Variants in UBAC2 observed in about 807,000 individuals in gnomAD.
UBAC2 encodes ubiquitin-associated domain-containing protein 2.
A neutral mutation model predicts 44.0 loss-of-function variants in UBAC2; 26 were observed. The observed-to-expected ratio is 0.59, with a 90% CI of 0.43 to 0.82. The LOEUF is 0.82. Ranked by LOEUF, UBAC2 falls within the 40% of genes least tolerant of loss-of-function variation. The probability of loss-of-function intolerance (pLI) is 0.00; values close to 1 mark genes in which losing one functional copy is unlikely to be tolerated. For synonymous variants in UBAC2, 155 were observed against 154.3 expected, an observed-to-expected ratio of 1.00 and a Z score of -0.04; for missense variants, 329 against 419.4, an observed-to-expected ratio of 0.78 and a Z score of 1.88.
At chr13:99,333,095 C>CT (rs1566507160) in intron 6 of UBAC2, among the ~76,000 whole-genome samples, 1 of 138,176 alleles carries the variant, frequency 7.2e-6, no homozygotes, top group Non-Finnish European at 1.7e-5. Context: ...AACCCCGTCT[C>CT]TGGGGGGGGA....
intron 4 of UBAC2, among the ~76,000 whole-genome samples, chr13:99,251,042 C>G (rs530014222): frequency 4.6e-5 from 7 of 152,272 alleles, no homozygotes; most frequent in African/African-American, 1.4e-4. Context: ...CATGAGCCAC[C>G]AAGCCTGGCC....
chr13:99,322,949 A>G (rs574961894), intron 6 of UBAC2, among the ~76,000 whole-genome samples: 3 of 152,328 alleles, frequency 2.0e-5, no homozygotes, highest in African/African-American at 7.2e-5. Context: ...GACAAACAAA[A>G]AAACCCAAAC....
intron 4 of UBAC2, 118 bp from the exon 5 acceptor site, chr13:99,313,979 T>C: frequency 1.0e-6 from 1 of 978,942 alleles, no homozygotes. Flanking sequence ...AATATGTATA[T>C]CTAAGACCAT....
intron 8 of UBAC2, among the ~76,000 whole-genome samples, chr13:99,382,285 AT>A (rs2045561228): frequency 6.6e-6 from 1 of 152,192 alleles, no homozygotes; most frequent in South Asian, 2.1e-4. Flanking sequence ...TTTAACAGAG[AT>A]ATGTAGAGTC....
chr13:99,244,010 A>G, intron 3 of UBAC2, 59 bp downstream of exon 3: 1 of 1,336,716 alleles, frequency 7.5e-7, no homozygotes, highest in Non-Finnish European at 1.0e-6. Context: ...TTTTGTTTAA[A>G]TGGATTTTAT....
chr13:99,317,825 T>C (rs1033490561), intron 5 of UBAC2, among the ~76,000 whole-genome samples, 197 bp from the exon 6 acceptor site: 1 of 152,154 alleles, frequency 6.6e-6, no homozygotes, highest in Non-Finnish European at 1.5e-5. Context: ...GTCTGATGTC[T>C]GAATAAAAAA....
At position 99,335,149 on chromosome 13, in the gene UBAC2, C is replaced by G. The variant is rs576299905; in HGVS notation, c.562-5171C>G. On this transcript the variant is annotated intron_variant, in intron 6 of 8. Coordinates refer to ENST00000403766, the MANE Select transcript of UBAC2 (RefSeq NM_001144072.2). ...TAGCTAATGGGAGCAATGAACAAAT[C>G]AACAATCACAGTTGAATACTTTGAG... Among the ~76,000 whole-genome samples, 7 of 152,282 alleles carry G rather than the reference C, an allele frequency of 4.6e-5. No homozygotes were observed. In the East Asian group the frequency reaches 9.6e-4, roughly 21 times the overall value.
intron 6 of UBAC2, among the ~76,000 whole-genome samples, chr13:99,319,527 C>A (rs1362550757): frequency 6.6e-6 from 1 of 152,174 alleles, no homozygotes; most frequent in Non-Finnish European, 1.5e-5. Flanking sequence ...TTTCTGTGTT[C>A]ATTCTTTGCT....
chr13:99,368,984 T>C (rs2045370958), intron 8 of UBAC2, among the ~76,000 whole-genome samples: 1 of 151,916 alleles, frequency 6.6e-6, no homozygotes, highest in African/African-American at 2.4e-5. Context: ...AGCTGCGGGA[T>C]CCCACTGGCC....
intron 4 of UBAC2, among the ~76,000 whole-genome samples, chr13:99,248,742 G>C (rs565960846): frequency 1.3e-5 from 2 of 152,152 alleles, no homozygotes; most frequent in South Asian, 4.1e-4. Context: ...GCCCAGGCTG[G>C]TCTCAAACTC....
intron 4 of UBAC2, among the ~76,000 whole-genome samples, chr13:99,264,801 G>C (rs1272525097): frequency 6.6e-6 from 1 of 152,184 alleles, no homozygotes; most frequent in Non-Finnish European, 1.5e-5. Flanking sequence ...CAGGATAGGA[G>C]CTTGGAGGCT....
chr13:99,255,688 A>G (rs2043540348), intron 4 of UBAC2: 1 of 1,614,154 alleles, frequency 6.2e-7, no homozygotes, highest in African/African-American at 1.3e-5. Flanking sequence ...TGCCACATTC[A>G]TCATATAGAT....
chr13:99,338,294 G>A (rs1029475854), intron 6 of UBAC2, among the ~76,000 whole-genome samples: 2 of 151,996 alleles, frequency 1.3e-5, no homozygotes, highest in African/African-American at 4.8e-5. Flanking sequence ...CTGACCTCTT[G>A]TGATCCGCCC....
In UBAC2 at chr13:99,238,198, C is replaced by T. The variant is rs367739224; in HGVS notation, c.32-229C>T. ...TGTAAACTTGGTCTCATTTAAGAGC[C>T]AACTGGCAATGAAGCCCTGCTAGGG... On this transcript the variant is annotated intron_variant, in intron 1 of 8. Coordinates refer to ENST00000403766, the MANE Select transcript of UBAC2 (RefSeq NM_001144072.2). Among the ~76,000 whole-genome samples the T allele has an allele frequency of 1.4e-3, 212 of 152,254 alleles. 2 individuals carry two copies. Among genetic ancestry groups the T allele is most frequent in the African/African-American group, 5.0e-3 (206 of 41,534 alleles).
At chr13:99,235,226 G>T (rs1266923907) in intron 1 of UBAC2, among the ~76,000 whole-genome samples, 2 of 152,116 alleles carry the variant, frequency 1.3e-5, no homozygotes, top group Admixed American at 1.3e-4. Context: ...ATTAACCAAA[G>T]ATGTGCAATA....
chr13:99,280,055 T>C (rs1043518531), intron 4 of UBAC2, among the ~76,000 whole-genome samples: 2 of 152,344 alleles, frequency 1.3e-5, no homozygotes, highest in East Asian at 3.9e-4. Context: ...TCCTTTGGTT[T>C]GGACTATTGC....
At chr13:99,201,111 C>T in intron 1 of UBAC2, 172 bp downstream of exon 1, 3 of 1,351,606 alleles carry the variant, frequency 2.2e-6, no homozygotes, top group Middle Eastern at 2.0e-4. Context: ...GCGGAAACCG[C>T]CCCCATTTCG....
At chr13:99,356,094 A>C (rs369741053) in intron 7 of UBAC2, 2 of 511,120 alleles carry the variant, frequency 3.9e-6, no homozygotes, top group Admixed American at 3.9e-5. Context: ...AAATGTCATT[A>C]AAGTAAACAA....
At chr13:99,308,310 T>G (rs565282856) in intron 4 of UBAC2, among the ~76,000 whole-genome samples, 1 of 152,308 alleles carries the variant, frequency 6.6e-6, no homozygotes, top group South Asian at 2.1e-4. Context: ...GGAGAACTGA[T>G]TAAATAAGCT....
Sources: allele counts gnomAD v4.1 joint callset (sites outside exome capture counted in the v4.1 genomes callset), GRCh38; gene constraint gnomAD v4.1.1; transcripts MANE v1.5; gene names NCBI Gene and HGNC (gene_info 2026-07-23, HGNC 2026-07-21).